PMP22: variants seen among roughly 807,000 people sequenced by gnomAD.
PMP22 encodes Charcot-Marie-Tooth neuropathy 1A (greatly reduced nerve conduction velocity, hereditary motor sensory neuropathy Ia).
PMP22 carries 2 observed loss-of-function variants against 18.9 expected under a neutral mutation model. The observed-to-expected ratio is 0.11, with a 90% CI of 0.04 to 0.33. The LOEUF is 0.33. Ranked by LOEUF, PMP22 falls within the 10% of genes least tolerant of loss-of-function variation. The pLI is 1.00. For missense variants in PMP22, 169 were observed against 202.2 expected, an observed-to-expected ratio of 0.84 and a Z score of 1.00; for synonymous variants, 95 against 89.2, an observed-to-expected ratio of 1.07 and a Z score of -0.37.
intron 4 of PMP22, among the ~76,000 whole-genome samples, chr17:15,233,883 T>A (rs1445005701): frequency 6.6e-6 from 1 of 152,210 alleles, no homozygotes; most frequent in Non-Finnish European, 1.5e-5. Flanking sequence ...ATAGGCTGAT[T>A]AGCTCACTAA....
chr17:15,263,575 A>ACGCGCG (rs898532214), intron 1 of PMP22, among the ~76,000 whole-genome samples: 3 of 105,758 alleles, frequency 2.8e-5, no homozygotes, highest in African/African-American at 1.2e-4. Context: ...CAGTTCACGC[A>ACGCGCG]CGCGCGCGCA....
At chr17:15,256,074 G>A (rs1315392493) in intron 3 of PMP22, among the ~76,000 whole-genome samples, 2 of 152,196 alleles carry the variant, frequency 1.3e-5, no homozygotes, top group East Asian at 3.8e-4. Context: ...GATAAGGAGG[G>A]GGTGCCAGAA....
intron 1 of PMP22, among the ~76,000 whole-genome samples, chr17:15,262,846 G>T (rs1909452812): frequency 6.6e-6 from 1 of 152,152 alleles, no homozygotes; most frequent in South Asian, 2.1e-4. Flanking sequence ...CGAGAAACTG[G>T]CTCCTCAGCC....
intron 3 of PMP22, among the ~76,000 whole-genome samples, chr17:15,240,517 T>G (rs991327211): frequency 4.0e-5 from 6 of 151,224 alleles, no homozygotes; most frequent in Non-Finnish European, 8.8e-5. Flanking sequence ...CTTCCTTATC[T>G]CTGTTGAACC....
chr17:15,247,197 G>A (rs951070891), intron 3 of PMP22, among the ~76,000 whole-genome samples: 4 of 151,612 alleles, frequency 2.6e-5, no homozygotes, highest in Admixed American at 1.3e-4. Context: ...GTGAAACCTC[G>A]TCTCTACTAA....
chr17:15,264,650 C>A lies in PMP22; in HGVS notation c.-35+504G>T, dbSNP rs1489081943. 3.0e-4 allele frequency among the ~76,000 whole-genome samples: 45 copies of A among 152,342 alleles called. No homozygotes were observed. In the Middle Eastern group the frequency reaches 0.017, roughly 58 times the overall value. Reference sequence around the variant, plus strand: ...TCAATAACCACCCAGGTCACAGCCACACCATATACTGCCAGACAGGTAAAC... The same window carrying A: ...TCAATAACCACCCAGGTCACAGCCAAACCATATACTGCCAGACAGGTAAAC... On this transcript the variant is annotated intron_variant, in intron 1 of 4. Coordinates refer to ENST00000312280, the MANE Select transcript of PMP22 (RefSeq NM_000304.4).
intron 3 of PMP22, among the ~76,000 whole-genome samples, chr17:15,256,002 G>A (rs180779581): frequency 2.0e-5 from 3 of 152,100 alleles, no homozygotes; most frequent in Non-Finnish European, 4.4e-5. Flanking sequence ...AGAGGCACTG[G>A]ATACAATATC....
chr17:15,256,336 G>A (rs1234354926), intron 3 of PMP22, among the ~76,000 whole-genome samples: 1 of 152,058 alleles, frequency 6.6e-6, no homozygotes, highest in African/African-American at 2.4e-5. Context: ...AGAAAAATGA[G>A]TCCTTTCAGA....
intron 4 of PMP22, chr17:15,235,111 C>A: frequency 1.5e-6 from 1 of 667,422 alleles, no homozygotes; most frequent in South Asian, 1.7e-5. Context: ...TTCGCCACCA[C>A]ACCTGGCCCA....
rs1906244590 is a variant in PMP22, at chr17:15,230,854, T to G, written c.*63A>C. ...CTAGCTCTTTTTTCTTTGTCTGCTT[T>G]CTGTTTTCCCTTCCTCCCTTCCCTA... On this transcript the variant is annotated 3_prime_UTR_variant, in exon 5 of 5. Transcript: ENST00000312280. The G allele has an allele frequency of 1.3e-6, 2 of 1,575,230 alleles. No individual in the cohort carries two copies. Among genetic ancestry groups the G allele is most frequent in the Non-Finnish European group, 1.7e-6 (2 of 1,147,224 alleles).
intron 3 of PMP22, among the ~76,000 whole-genome samples, chr17:15,257,354 G>A (rs1238488499): frequency 2.6e-5 from 4 of 152,222 alleles, no homozygotes; most frequent in Non-Finnish European, 5.9e-5. Context: ...CTGCCGCCTC[G>A]TTTCTGCTGA....
chr17:15,260,675 A>G lies in PMP22; in HGVS notation c.53T>C (p.Leu18Pro). The part of the protein sequence containing the change: ...IIVLHVAVLV[L>P]LFVSTIVSQW... ...GCTGACGATCGTGGAGACGAACAGC[A>G]GCACCAGCACCGCGACGTGGAGGAC... Residue 18 changes from leucine (L) to proline (P), a missense_variant, in exon 2 of 5, where the codon CTG becomes CCG. By Grantham distance (98) the Leu-to-Pro change is moderately conservative. Coordinates refer to ENST00000312280, the MANE Select transcript of PMP22 (RefSeq NM_000304.4). The G allele has an allele frequency of 1.3e-6, 2 of 1,553,198 alleles. No individual in the cohort carries two copies. Among genetic ancestry groups the G allele is most frequent in the Non-Finnish European group, 1.7e-6 (2 of 1,147,772 alleles).
Position 15,244,108 on chromosome 17 carries a change from T to C in PMP22, c.179-4497A>G, listed in dbSNP as rs1169830961. ...AAAGAGAAAACAGCTAAGTATAAAATTGAAAAGCCATGTGATTAGCAAAGG... is the reference window on the plus strand; with the variant it reads ...AAAGAGAAAACAGCTAAGTATAAAACTGAAAAGCCATGTGATTAGCAAAGG... On this transcript the variant is annotated intron_variant, in intron 3 of 4. Transcript: ENST00000312280. Among the ~76,000 whole-genome samples, 4 of 152,014 alleles carry C rather than the reference T, an allele frequency of 2.6e-5. No individual in the cohort carries two copies. The East Asian group carries it at 7.7e-4, about 29-fold the overall frequency.
At chr17:15,236,452 A>T (rs1906827253) in intron 4 of PMP22, among the ~76,000 whole-genome samples, 1 of 147,546 alleles carries the variant, frequency 6.8e-6, no homozygotes. Context: ...ACTTCCGGAG[A>T]CTACACAGAG....
chr17:15,253,721 C>G (rs1908569520), intron 3 of PMP22, among the ~76,000 whole-genome samples: 1 of 152,168 alleles, frequency 6.6e-6, no homozygotes, highest in South Asian at 2.1e-4. Context: ...CTCCTTCCCT[C>G]CCCAGCGATC....
Position 15,230,924 on chromosome 17 carries a change from C to T in PMP22, c.476G>A (p.Arg159His), listed in dbSNP as rs773478255. ...SGVIYVILRK[R>H]E is the part of the protein sequence containing the mutation. Reference sequence around the variant, plus strand: ...ACAGACCGTCTGGGCGCCTCATTCGCGTTTCCGCAAGATCACATAGATGAC... The same window carrying T: ...ACAGACCGTCTGGGCGCCTCATTCGTGTTTCCGCAAGATCACATAGATGAC... Residue 159 changes from arginine to histidine, a missense_variant, in exon 5 of 5, where the codon CGC (arginine) becomes CAC (histidine). Arg to His is a conservative substitution (Grantham distance 29). Coordinates refer to ENST00000312280, the MANE Select transcript of PMP22 (RefSeq NM_000304.4). 1.4e-5 allele frequency: 22 copies of T among 1,613,998 alleles called. No individual in the cohort carries two copies. Among genetic ancestry groups the T allele is most frequent in the East Asian group, 4.5e-5 (2 of 44,872 alleles).
At chr17:15,247,356 G>C (rs1330805683) in intron 3 of PMP22, among the ~76,000 whole-genome samples, 1 of 152,158 alleles carries the variant, frequency 6.6e-6, no homozygotes, top group Non-Finnish European at 1.5e-5. Context: ...GCGACAGAGC[G>C]AGACTGTCTC....
At chr17:15,255,867 C>T (rs1597628332) in intron 3 of PMP22, among the ~76,000 whole-genome samples, 1 of 152,192 alleles carries the variant, frequency 6.6e-6, no homozygotes, top group African/African-American at 2.4e-5. Context: ...CTTTGGGCAC[C>T]TGGCCTGCTC....
At chr17:15,247,141 G>A (rs1397973032) in intron 3 of PMP22, among the ~76,000 whole-genome samples, 7 of 146,030 alleles carry the variant, frequency 4.8e-5, no homozygotes, top group South Asian at 4.5e-4. Context: ...AGGCCAAGGC[G>A]GGTGGATCAC....
Sources: allele counts gnomAD v4.1 joint callset (sites outside exome capture counted in the v4.1 genomes callset), GRCh38; gene constraint gnomAD v4.1.1; transcripts MANE v1.5; gene names NCBI Gene and HGNC (gene_info 2026-07-23, HGNC 2026-07-21).